Variants in EIF2AK4 observed in about 807,000 individuals in gnomAD.
EIF2AK4 encodes the protein eukaryotic translation initiation factor 2 alpha kinase 4, also known as eIF-2-alpha kinase GCN2.
In EIF2AK4, 139 loss-of-function variants were observed where a neutral mutation model predicts 211.1. The ratio of observed to expected loss-of-function variants is 0.66; its 90% CI spans 0.57 to 0.76. The LOEUF is 0.76. EIF2AK4 is among the 30% of genes least tolerant of loss of function. EIF2AK4 has a pLI of 0.00. For missense variants in EIF2AK4, 1,664 were observed against 2,043.8 expected (o/e 0.81, Z 3.58); for synonymous variants, 710 against 751.3 (o/e 0.94, Z 0.90).
chr15:39,960,897 G>A (rs2034462714), intron 6 of EIF2AK4, among the ~76,000 whole-genome samples: 3 of 152,166 alleles, frequency 2.0e-5, no homozygotes, highest in Admixed American at 1.3e-4. Flanking sequence ...CTTGCCTCGT[G>A]TTCTCAGTGA....
chr15:40,025,335 G>A (rs566558240), intron 32 of EIF2AK4, among the ~76,000 whole-genome samples: 6 of 152,356 alleles, frequency 3.9e-5, no homozygotes, highest in Non-Finnish European at 7.3e-5. Context: ...AACAGAAGGA[G>A]ACATCAAAGT....
chr15:39,957,537 A>G (rs980219275), intron 6 of EIF2AK4, among the ~76,000 whole-genome samples: 5 of 151,960 alleles, frequency 3.3e-5, no homozygotes, highest in Non-Finnish European at 5.9e-5. Flanking sequence ...CCTCTACCCT[A>G]TTTCCCTGCT....
At chr15:40,007,124 C>A in intron 24 of EIF2AK4, 59 bp downstream of exon 24, 3 of 1,389,000 alleles carry the variant, frequency 2.2e-6, no homozygotes, top group South Asian at 2.4e-5. Flanking sequence ...AATAATTTGT[C>A]AACCAGGAAA....
At chr15:39,979,785 T>G (rs1403907503) in intron 13 of EIF2AK4, among the ~76,000 whole-genome samples, 2 of 152,208 alleles carry the variant, frequency 1.3e-5, no homozygotes, top group Non-Finnish European at 2.9e-5. Context: ...TTACTTTTAG[T>G]CAGTCTCAAG....
intron 4 of EIF2AK4, chr15:39,951,440 G>C (rs1247850576): frequency 2.8e-6 from 1 of 351,858 alleles, no homozygotes; most frequent in African/African-American, 2.2e-5. Context: ...GTTTGGCATG[G>C]ATAGATAGCA....
chr15:39,955,495 A>G, intron 5 of EIF2AK4, 125 bp from the exon 6 acceptor site: 1 of 965,216 alleles, frequency 1.0e-6, no homozygotes, highest in Non-Finnish European at 1.5e-6. Flanking sequence ...GTTAAGTTCA[A>G]TTTTATTTCA....
intron 11 of EIF2AK4, 78 bp downstream of exon 11, chr15:39,973,827 T>A (rs1255649967): frequency 4.5e-6 from 7 of 1,539,988 alleles, no homozygotes; most frequent in Non-Finnish European, 6.2e-6. Flanking sequence ...TGGACTTTAC[T>A]TTTATTTTGG....
chr15:39,984,927 G>A (rs189282379), intron 13 of EIF2AK4, among the ~76,000 whole-genome samples: 145 of 152,284 alleles, frequency 9.5e-4, no homozygotes, highest in Non-Finnish European at 1.5e-3. Flanking sequence ...CTTGTCTTGT[G>A]CCGATTTTCA....
At chr15:39,944,874 A>G (rs940827520) in intron 3 of EIF2AK4, among the ~76,000 whole-genome samples, 3 of 152,188 alleles carry the variant, frequency 2.0e-5, no homozygotes, top group East Asian at 1.9e-4. Context: ...TCATAACACA[A>G]TGAGTCATAG....
chr15:40,013,779 C>T (rs1166538126), intron 27 of EIF2AK4, among the ~76,000 whole-genome samples: 1 of 152,170 alleles, frequency 6.6e-6, no homozygotes, highest in African/African-American at 2.4e-5. Context: ...ACAGCTAAAC[C>T]ATATCATTCT....
chr15:40,030,034 A>C (rs1416337983), intron 34 of EIF2AK4, among the ~76,000 whole-genome samples: 1 of 152,246 alleles, frequency 6.6e-6, no homozygotes, highest in African/African-American at 2.4e-5. Context: ...GCAGGAATTT[A>C]AAGAAGTATG....
intron 18 of EIF2AK4, among the ~76,000 whole-genome samples, chr15:39,995,291 C>T (rs2140930611): frequency 6.6e-6 from 1 of 152,326 alleles, no homozygotes; most frequent in African/African-American, 2.4e-5. Context: ...GGAAATGCCA[C>T]AGTGAATGTT....
chr15:39,962,234 G>T (rs1264597823), intron 7 of EIF2AK4, among the ~76,000 whole-genome samples: 3 of 152,198 alleles, frequency 2.0e-5, no homozygotes, highest in Non-Finnish European at 4.4e-5. Context: ...ACTCCAGTGT[G>T]AGTGACAGAA....
At chr15:39,963,969 A>G (rs1169841789) in intron 7 of EIF2AK4, among the ~76,000 whole-genome samples, 1 of 152,244 alleles carries the variant, frequency 6.6e-6, no homozygotes, top group African/African-American at 2.4e-5. Context: ...TCCCATAAAC[A>G]TTTAATGCCA....
At chr15:40,025,501 A>C (rs2035455105) in intron 32 of EIF2AK4, among the ~76,000 whole-genome samples, 2 of 152,156 alleles carry the variant, frequency 1.3e-5, no homozygotes, top group African/African-American at 4.8e-5. Context: ...AGATGCCATA[A>C]AAGTGGGATG....
At chr15:40,007,659 A>G (rs1242505231) in intron 24 of EIF2AK4, among the ~76,000 whole-genome samples, 1 of 152,240 alleles carries the variant, frequency 6.6e-6, no homozygotes, top group Non-Finnish European at 1.5e-5. Flanking sequence ...CCTTTCTTCA[A>G]CTGAAAGCAA....
intron 23 of EIF2AK4, among the ~76,000 whole-genome samples, chr15:40,003,701 C>T (rs1415503914): frequency 1.3e-5 from 2 of 152,216 alleles, no homozygotes; most frequent in Non-Finnish European, 2.9e-5. Flanking sequence ...ATGCCTAGAA[C>T]AGTTAAATTC....
At chr15:40,028,212 G>A (rs540669153) in intron 33 of EIF2AK4, among the ~76,000 whole-genome samples, 8 of 151,892 alleles carry the variant, frequency 5.3e-5, no homozygotes, top group South Asian at 2.1e-4. Flanking sequence ...AGCTGGGACC[G>A]TAGTCATGTA....
intron 26 of EIF2AK4, among the ~76,000 whole-genome samples, chr15:40,010,002 G>T (rs978912493): frequency 6.6e-6 from 1 of 152,168 alleles, no homozygotes; most frequent in East Asian, 1.9e-4. Context: ...AATTTTAAAA[G>T]ATCAAATTAT....
Sources: allele counts gnomAD v4.1 joint callset (sites outside exome capture counted in the v4.1 genomes callset), GRCh38; gene constraint gnomAD v4.1.1; transcripts MANE v1.5; gene names NCBI Gene and HGNC (gene_info 2026-07-23, HGNC 2026-07-21).